The following RBPMS2 variants were observed in gnomAD, a reference collection of about 807,000 sequenced individuals.
RBPMS2 encodes the protein RNA-binding protein with multiple splicing 2.
Under a neutral mutation model 25.7 loss-of-function variants are expected in RBPMS2, and 14 were observed. The ratio of observed to expected loss-of-function variants is 0.55; its 90% CI spans 0.36 to 0.85. The LOEUF is 0.85. Ranked by LOEUF, RBPMS2 falls within the 40% of genes least tolerant of loss-of-function variation. RBPMS2 has a pLI of 0.01. For synonymous variants in RBPMS2, 127 were observed against 115.6 expected (o/e 1.10, Z -0.63); for missense variants, 252 against 283.4 (o/e 0.89, Z 0.80).
chr15:64,741,817 T>C (rs1039397603), intron 6 of RBPMS2, among the ~76,000 whole-genome samples: 1 of 152,290 alleles, frequency 6.6e-6, no homozygotes, highest in South Asian at 2.1e-4. Flanking sequence ...GAGGATCACA[T>C]GGGCTCAGGA....
At chr15:64,755,137 G>C (rs1201045770) in intron 1 of RBPMS2, among the ~76,000 whole-genome samples, 1 of 152,128 alleles carries the variant, frequency 6.6e-6, no homozygotes, top group African/African-American at 2.4e-5. Context: ...CTTGGGGTAG[G>C]GTGGGGTGAG....
intron 1 of RBPMS2, among the ~76,000 whole-genome samples, chr15:64,757,853 G>C (rs1426210050): frequency 1.3e-5 from 2 of 152,072 alleles, no homozygotes; most frequent in African/African-American, 2.4e-5. Context: ...GAAGGCACCT[G>C]AAGTCTGAGC....
chr15:64,762,726 C>T (rs1290690219), intron 1 of RBPMS2, among the ~76,000 whole-genome samples: 2 of 152,192 alleles, frequency 1.3e-5, no homozygotes, highest in African/African-American at 2.4e-5. Flanking sequence ...AGAGTAGACT[C>T]GCCTCAGGTC....
intron 1 of RBPMS2, among the ~76,000 whole-genome samples, chr15:64,767,514 C>T (rs1415779683): frequency 3.3e-5 from 5 of 152,144 alleles, no homozygotes; most frequent in Admixed American, 2.0e-4. Context: ...GCCTCCAGCT[C>T]GCAGGATTGT....
At chr15:64,753,122 G>A (rs1292264094) in intron 1 of RBPMS2, among the ~76,000 whole-genome samples, 2 of 152,118 alleles carry the variant, frequency 1.3e-5, no homozygotes, top group African/African-American at 4.8e-5. Context: ...TGAAACCGTG[G>A]CTTCCTGAAT....
chr15:64,759,726 G>A (rs1166527296), intron 1 of RBPMS2, among the ~76,000 whole-genome samples: 1 of 152,016 alleles, frequency 6.6e-6, no homozygotes, highest in African/African-American at 2.4e-5. Context: ...AGGCTGGAGT[G>A]CAGTGGCACC....
At chr15:64,770,173 C>T (rs370535366) in intron 1 of RBPMS2, among the ~76,000 whole-genome samples, 7 of 151,564 alleles carry the variant, frequency 4.6e-5, no homozygotes, top group Non-Finnish European at 7.4e-5. Context: ...GGCGAGACTC[C>T]GTCTCAAAAA....
At chr15:64,756,873 G>A (rs774680522) in intron 1 of RBPMS2, among the ~76,000 whole-genome samples, 1 of 149,216 alleles carries the variant, frequency 6.7e-6, no homozygotes, top group Admixed American at 6.7e-5. Flanking sequence ...ACCTCAAGGA[G>A]TTCCTTGAGG....
intron 1 of RBPMS2, among the ~76,000 whole-genome samples, chr15:64,768,499 G>A (rs1007681992): frequency 2.0e-5 from 3 of 152,122 alleles, no homozygotes; most frequent in African/African-American, 7.2e-5. Flanking sequence ...TTAGCCAGGT[G>A]TGGTAGCGGG....
chr15:64,762,964 G>A (rs757610684), intron 1 of RBPMS2, among the ~76,000 whole-genome samples: 1 of 151,968 alleles, frequency 6.6e-6, no homozygotes, highest in African/African-American at 2.4e-5. Flanking sequence ...CTGGGAACTT[G>A]AGGGGGGTCT....
chr15:64,755,724 T>C (rs2083726620), intron 1 of RBPMS2, among the ~76,000 whole-genome samples: 1 of 152,102 alleles, frequency 6.6e-6, no homozygotes, highest in African/African-American at 2.4e-5. Flanking sequence ...AAGGGGAAAC[T>C]GGCAAACCAG....
intron 1 of RBPMS2, among the ~76,000 whole-genome samples, chr15:64,751,925 G>C (rs964252372): frequency 6.7e-6 from 1 of 149,832 alleles, no homozygotes; most frequent in African/African-American, 2.5e-5. Context: ...AGAAAGCCCT[G>C]TTTGATAAGG....
intron 4 of RBPMS2, 90 bp from the exon 5 acceptor site, chr15:64,749,240 C>T: frequency 6.6e-7 from 1 of 1,518,838 alleles, no homozygotes; most frequent in South Asian, 1.1e-5. Context: ...CATAAACAAG[C>T]TCGCCTCGAA....
chr15:64,743,190 A>C (rs543368821), intron 6 of RBPMS2, among the ~76,000 whole-genome samples: 155 of 152,342 alleles, frequency 1.0e-3, no homozygotes, highest in African/African-American at 3.7e-3. Context: ...AGGGGAGAAC[A>C]TGGACGACAG....
In RBPMS2 at chr15:64,768,413, C is replaced by T. The variant is rs1025897455; in HGVS notation, c.87+6820G>A. On this transcript the variant is annotated intron_variant, in intron 1 of 7. Transcript: ENST00000300069. ...CAGCACTTTAGGAGGCCAAGACAGACGGATCACCTAAGGTCAGGAGTTCGA... is the reference window on the plus strand; with the variant it reads ...CAGCACTTTAGGAGGCCAAGACAGATGGATCACCTAAGGTCAGGAGTTCGA... Among the ~76,000 whole-genome samples, 6 of 152,058 alleles carry T rather than the reference C, an allele frequency of 3.9e-5. No individual in the cohort carries two copies. In the East Asian group the frequency reaches 9.7e-4, roughly 25 times the overall value.
chr15:64,750,249 A>T, intron 3 of RBPMS2, 94 bp downstream of exon 3: 2 of 1,078,528 alleles, frequency 1.9e-6, no homozygotes, highest in Non-Finnish European at 2.9e-6. Context: ...GTACCGCCAG[A>T]TGCCTCTAGA....
rs77341714 is a variant in RBPMS2, at chr15:64,753,934, G to T, written c.88-2296C>A. ...TGCCCTTTGATGTAAGGGCCTTGAG[G>T]TGTGCGTGTGAATCCCCAAGCAGAA... On this transcript the variant is annotated intron_variant, in intron 1 of 7. Coordinates refer to ENST00000300069, the MANE Select transcript of RBPMS2 (RefSeq NM_194272.3). 3.3e-3 allele frequency among the ~76,000 whole-genome samples: 502 copies of T among 152,272 alleles called. 1 individual carries two copies. The highest frequency in any genetic ancestry group is 0.012 in the African/African-American group (483 of 41,556).
intron 6 of RBPMS2, among the ~76,000 whole-genome samples, chr15:64,747,109 T>C (rs1229897014): frequency 1.3e-5 from 2 of 152,206 alleles, no homozygotes; most frequent in African/African-American, 4.8e-5. Context: ...TTCAAGCTAT[T>C]TGTGGTGCTC....
chr15:64,774,462 T>C (rs1343010435), intron 1 of RBPMS2, among the ~76,000 whole-genome samples: 1 of 152,002 alleles, frequency 6.6e-6, no homozygotes, highest in African/African-American at 2.4e-5. Flanking sequence ...CTGCTGGTGG[T>C]TCCACGGAGC....
Sources: gnomAD v4.1 joint callset for allele counts (sites outside exome capture counted in the v4.1 genomes callset) on GRCh38, gnomAD v4.1.1 for gene constraint, MANE v1.5 for transcripts, NCBI Gene and HGNC (gene_info 2026-07-23, HGNC 2026-07-21) for gene names.